PTPRA: variants seen among roughly 807,000 people sequenced by gnomAD.
PTPRA encodes protein tyrosine phosphatase receptor type A.
A neutral mutation model predicts 104.8 loss-of-function variants in PTPRA; 25 were observed. The observed-to-expected ratio is 0.24, with a 90% confidence interval of 0.17 to 0.33. PTPRA has a LOEUF of 0.33. Ranked by LOEUF, PTPRA falls within the 10% of genes least tolerant of loss-of-function variation. The probability of loss-of-function intolerance (pLI) is 1.00; values close to 1 mark genes in which losing one functional copy is unlikely to be tolerated. For missense variants in PTPRA, 765 were observed against 1,015.3 expected (o/e 0.75, Z 3.35); for synonymous variants, 323 against 368.9 (o/e 0.88, Z 1.43).
chr20:2,984,893 C>G (rs1271570495), intron 6 of PTPRA, among the ~76,000 whole-genome samples: 3 of 152,172 alleles, frequency 2.0e-5, no homozygotes, highest in Admixed American at 1.3e-4. Flanking sequence ...TCAGAGAGAC[C>G]TTCCCAGACC....
intron 3 of PTPRA, among the ~76,000 whole-genome samples, chr20:2,956,860 T>C (rs1036732572): frequency 6.6e-6 from 1 of 152,180 alleles, no homozygotes; most frequent in Non-Finnish European, 1.5e-5. Context: ...AGAAGTGGAA[T>C]TGTGTCAGAG....
chr20:2,934,249 A>C (rs889505978), intron 2 of PTPRA, among the ~76,000 whole-genome samples: 5 of 152,104 alleles, frequency 3.3e-5, no homozygotes, highest in Non-Finnish European at 7.4e-5. Context: ...GGACTACAGA[A>C]GTGCCACTAC....
At chr20:2,929,356 T>C (rs1364677064) in intron 2 of PTPRA, among the ~76,000 whole-genome samples, 1 of 152,218 alleles carries the variant, frequency 6.6e-6, no homozygotes, top group Non-Finnish European at 1.5e-5. Flanking sequence ...AATACTCTTT[T>C]GTTCTTTGTA....
At chr20:2,982,069 G>A (rs2062696706) in intron 6 of PTPRA, among the ~76,000 whole-genome samples, 1 of 151,458 alleles carries the variant, frequency 6.6e-6, no homozygotes, top group Admixed American at 6.6e-5. Context: ...AGCCAAAGGT[G>A]CCTAATTACT....
At chr20:2,911,138 C>T (rs934924665) in intron 1 of PTPRA, among the ~76,000 whole-genome samples, 5 of 151,958 alleles carry the variant, frequency 3.3e-5, no homozygotes, top group Non-Finnish European at 5.9e-5. Flanking sequence ...TTAATAGAAG[C>T]AAGGGGTGGA....
chr20:2,966,643 G>A (rs1010717335), intron 5 of PTPRA, among the ~76,000 whole-genome samples: 44 of 152,140 alleles, frequency 2.9e-4, no homozygotes, highest in African/African-American at 4.8e-4. Context: ...GCTAGGCATC[G>A]TACTAAGAGT....
rs1175025999 is a variant in PTPRA, at chr20:3,035,218, A to G, written c.1921-367A>G. On this transcript the variant is annotated intron_variant, in intron 20 of 23. Coordinates refer to ENST00000399903, the MANE Select transcript of PTPRA (RefSeq NM_001385305.1). The surrounding 1 kb of genome is among the most constrained non-coding windows in gnomAD (Gnocchi z 5.8). ...ATGTGAATTGGTTCTGATTTTCTGA[A>G]TTAGCAGTCTGGCGGATGTAAGCAG... Among the ~76,000 whole-genome samples the G allele has an allele frequency of 6.6e-6, 1 of 152,214 alleles. No individual in the cohort carries two copies. The highest frequency in any genetic ancestry group is 2.4e-5 in the African/African-American group (1 of 41,458).
chr20:3,027,947 G>C, intron 20 of PTPRA, 106 bp downstream of exon 20: 1 of 1,457,248 alleles, frequency 6.9e-7, no homozygotes, highest in Non-Finnish European at 9.4e-7. Context: ...CCTTGTCTTT[G>C]ACTTATACGG....
intron 1 of PTPRA, among the ~76,000 whole-genome samples, chr20:2,910,164 A>G (rs796101145): frequency 1.9e-4 from 23 of 122,572 alleles, no homozygotes; most frequent in African/African-American, 7.4e-4. Context: ...TACGTCATAT[A>G]TAATATGACG....
chr20:3,027,235 C>T (rs1041986335), intron 19 of PTPRA, 38 bp downstream of exon 19: 21 of 1,588,294 alleles, frequency 1.3e-5, no homozygotes, highest in Middle Eastern at 1.7e-4. Flanking sequence ...CCCAACACCC[C>T]GTGGAGATTC....
At chr20:2,906,404 G>A (rs996770934) in intron 1 of PTPRA, among the ~76,000 whole-genome samples, 2 of 152,156 alleles carry the variant, frequency 1.3e-5, no homozygotes, top group Admixed American at 6.5e-5. Context: ...CTCCAAAGAA[G>A]TAATTATCTG....
chr20:2,985,160 A>T (rs117765690), intron 6 of PTPRA, among the ~76,000 whole-genome samples: 2,225 of 152,316 alleles, frequency 0.015, 117 homozygotes, highest in Admixed American at 0.09. Flanking sequence ...TCAGATGAGG[A>T]TGGGAATGTT....
intron 6 of PTPRA, among the ~76,000 whole-genome samples, chr20:2,983,809 C>T (rs2062790974): frequency 6.6e-6 from 1 of 152,014 alleles, no homozygotes; most frequent in East Asian, 1.9e-4. Context: ...GGCAAATAGG[C>T]AGTTGAGAAT....
At chr20:2,875,569 A>G (rs2089666011) in intron 1 of PTPRA, among the ~76,000 whole-genome samples, 1 of 152,234 alleles carries the variant, frequency 6.6e-6, no homozygotes, top group Non-Finnish European at 1.5e-5. Context: ...TGAGGAACTC[A>G]GAGTCTAATG....
In PTPRA at chr20:2,965,045, T is replaced by C. The variant is rs145910218; in HGVS notation, c.258T>C (p.Asn86=). The part of the protein sequence containing the change: ...LTTVNSSDSD[N]GTTRTASTNS... Reference sequence around the variant, plus strand: ...CTGTCAATTCTTCAGACTCTGACAATGGGACCACAAGAACAGCAAGCACCA... The same window carrying C: ...CTGTCAATTCTTCAGACTCTGACAACGGGACCACAAGAACAGCAAGCACCA... The change falls in exon 5 of 24, where the codon AAT becomes AAC. Residue 86 remains asparagine, a synonymous_variant. Transcript: ENST00000399903. The C allele has an allele frequency of 3.7e-6, 6 of 1,614,016 alleles. No individual in the cohort carries two copies. Among genetic ancestry groups the C allele is most frequent in the Middle Eastern group, 1.6e-4 (1 of 6,084 alleles).
chr20:2,998,002 G>T (rs1362994359), intron 9 of PTPRA, among the ~76,000 whole-genome samples: 4 of 152,064 alleles, frequency 2.6e-5, no homozygotes, highest in African/African-American at 7.2e-5. Context: ...GATGGCACAT[G>T]CCTGTAGTTC....
the PTPRA span, among the ~76,000 whole-genome samples, chr20:2,867,530 AC>A: frequency 1.3e-5 from 2 of 148,412 alleles, no homozygotes; most frequent in Non-Finnish European, 3.0e-5. Context: ...CTCCGTTGGC[AC>A]TCCAGTGCAC....
At chr20:2,974,716 G>A (rs925780769) in intron 5 of PTPRA, among the ~76,000 whole-genome samples, 1 of 152,100 alleles carries the variant, frequency 6.6e-6, no homozygotes, top group Admixed American at 6.6e-5. Flanking sequence ...ATTTTCAAAT[G>A]TTTTCTTACT....
In PTPRA at chr20:3,022,084, C is replaced by T. The variant is rs1352257927; in HGVS notation, c.1192C>T (p.Arg398Cys). 7 of 1,614,072 alleles carry T rather than the reference C, an allele frequency of 4.3e-6. No homozygotes were observed. The highest frequency in any genetic ancestry group is 3.3e-5 in the Admixed American group (2 of 60,004). ...VGDMTNRKPQRLITQFHFTSW... is the reference protein window; with the variant it reads ...VGDMTNRKPQCLITQFHFTSW... The stretch of plus-strand genomic sequence containing the variant: ...CGACATGACCAACAGAAAGCCACAG[C>T]GCCTCATCACTCAGTTCCACTTTAC... The change falls in exon 15 of 24, where the codon CGC (arginine) becomes TGC (cysteine). Residue 398 changes from arginine to cysteine, a missense_variant. Arg to Cys is a radical substitution (Grantham distance 180). Coordinates refer to ENST00000399903, the MANE Select transcript of PTPRA (RefSeq NM_001385305.1). This position sits in a 1 kb window ranked among gnomAD's most constrained non-coding sequence, Gnocchi z 4.6.
Sources: gnomAD v4.1 joint callset for allele counts (sites outside exome capture counted in the v4.1 genomes callset) on GRCh38, gnomAD v4.1.1 for gene constraint, Gnocchi (gnomAD v3.1) non-coding constraint, MANE v1.5 for transcripts, NCBI Gene and HGNC (gene_info 2026-07-23, HGNC 2026-07-21) for gene names.